Variants in ESRRB observed in about 807,000 individuals in gnomAD.
The protein encoded by ESRRB is steroid hormone receptor ERR2.
In ESRRB, 16 loss-of-function variants were observed where a neutral mutation model predicts 46.0. That is an observed-to-expected ratio of 0.35 (90% CI 0.24 to 0.53). The LOEUF (loss-of-function observed/expected upper bound fraction) is 0.53, where lower values mean the gene tolerates loss of function less well. Among genes scored for constraint, ESRRB ranks in the 20% least tolerant of loss-of-function variants. ESRRB has a pLI of 0.93. For synonymous variants in ESRRB, 246 were observed against 259.6 expected, an observed-to-expected ratio of 0.95 and a Z score of 0.50; for missense variants, 488 against 607.4, an observed-to-expected ratio of 0.80 and a Z score of 2.07.
chr14:76,373,057 G>T (rs979268125), upstream of ESRRB, among the ~76,000 whole-genome samples: 2 of 152,166 alleles, frequency 1.3e-5, no homozygotes, highest in African/African-American at 4.8e-5. Flanking sequence ...TGAATGTAAT[G>T]AATATCAATT....
intron 3 of ESRRB, among the ~76,000 whole-genome samples, chr14:76,469,944 C>CTTTTTTTTTTTTT (rs1178018542): frequency 3.0e-4 from 22 of 73,068 alleles, no homozygotes; most frequent in Non-Finnish European, 5.0e-4. Context: ...TTTTTTTTTT[C>CTTTTTTTTTTTTT]TTTTTTTTTT....
At chr14:76,380,315 G>C (rs1369145326) in intron 1 of ESRRB, among the ~76,000 whole-genome samples, 1 of 152,132 alleles carries the variant, frequency 6.6e-6, no homozygotes, top group African/African-American at 2.4e-5. Context: ...GGTGGAGTTG[G>C]CCATGAATGC....
intron 1 of ESRRB, among the ~76,000 whole-genome samples, chr14:76,356,332 GT>G (rs1884378221): frequency 6.6e-6 from 1 of 152,192 alleles, no homozygotes; most frequent in African/African-American, 2.4e-5. Context: ...TTGTCTAAGT[GT>G]TTTCTCCTAT....
intron 1 of ESRRB, among the ~76,000 whole-genome samples, chr14:76,429,638 T>G (rs913930077): frequency 5.9e-5 from 9 of 152,092 alleles, no homozygotes; most frequent in African/African-American, 2.2e-4. Context: ...TAATCCCAGC[T>G]ACTCAGGAGG....
intron 1 of ESRRB, among the ~76,000 whole-genome samples, chr14:76,340,928 T>C (rs1884184729): frequency 6.6e-6 from 1 of 152,194 alleles, no homozygotes; most frequent in South Asian, 2.1e-4. Flanking sequence ...TCATTGGTTC[T>C]CTCTGAGCCT....
In ESRRB at chr14:76,458,993, C is replaced by T. The variant is rs192606834; in HGVS notation, c.461-3552C>T. On this transcript the variant is annotated intron_variant, in intron 2 of 6. Coordinates refer to ENST00000644823, the MANE Select transcript of ESRRB (RefSeq NM_001379180.1). ...CCGACTAGCTGGGACTACAGGTGTG[C>T]ACCACCACACCTGGCTAAGTTTTGT... is the stretch of plus-strand genomic sequence containing the variant. Among the ~76,000 whole-genome samples the T allele has an allele frequency of 8.5e-5, 13 of 152,124 alleles. No homozygotes were observed. The East Asian group carries it at 2.1e-3, about 25-fold the overall frequency.
Position 76,500,653 on chromosome 14 carries a change from G to T in ESRRB, c.*2195G>T. The stretch of plus-strand genomic sequence containing the variant: ...CTCAAGCTGGAGGACCCAGGCGGCA[G>T]GGCATCATGCCCAGCTGGCATCTGC... On this transcript the variant is annotated 3_prime_UTR_variant, in exon 7 of 7. Coordinates refer to ENST00000644823, the MANE Select transcript of ESRRB (RefSeq NM_001379180.1). The T allele has an allele frequency of 2.5e-6, 4 of 1,612,460 alleles. No individual in the cohort carries two copies. The highest frequency in any genetic ancestry group is 3.4e-6 in the Non-Finnish European group (4 of 1,178,862).
chr14:76,342,366 A>C (rs1286364994), intron 1 of ESRRB, among the ~76,000 whole-genome samples: 1 of 152,208 alleles, frequency 6.6e-6, no homozygotes, highest in Non-Finnish European at 1.5e-5. Flanking sequence ...AGTGAGGGGC[A>C]ACAGGGAACT....
At chr14:76,375,109 G>A (rs1884717438), upstream of ESRRB, among the ~76,000 whole-genome samples, 1 of 152,060 alleles carries the variant, frequency 6.6e-6, no homozygotes, top group African/African-American at 2.4e-5. Flanking sequence ...ATAAGGTGGT[G>A]GTGTCTCCTG....
intron 2 of ESRRB, among the ~76,000 whole-genome samples, chr14:76,449,962 G>A (rs1214709707): frequency 6.6e-6 from 1 of 152,062 alleles, no homozygotes; most frequent in East Asian, 1.9e-4. Flanking sequence ...GTCTCTCTAT[G>A]TTGCCTACAC....
intron 1 of ESRRB, among the ~76,000 whole-genome samples, chr14:76,418,337 T>G (rs1886799015): frequency 6.6e-6 from 1 of 152,236 alleles, no homozygotes. Flanking sequence ...AGAGGACTCC[T>G]GTATAACCCT....
At chr14:76,422,488 G>A (rs538779185) in intron 1 of ESRRB, among the ~76,000 whole-genome samples, 6 of 152,208 alleles carry the variant, frequency 3.9e-5, no homozygotes, top group Non-Finnish European at 8.8e-5. Context: ...TGGGATTACA[G>A]GCATGAGCCA....
chr14:76,450,724 G>A (rs1463974934), intron 2 of ESRRB, among the ~76,000 whole-genome samples: 2 of 152,236 alleles, frequency 1.3e-5, no homozygotes, highest in African/African-American at 2.4e-5. Flanking sequence ...TGCAGCTGGC[G>A]GATCTGGATC....
chr14:76,393,060 C>T (rs10873288), intron 1 of ESRRB, among the ~76,000 whole-genome samples: 105,473 of 152,128 alleles, frequency 0.69, 36,977 homozygotes, highest in South Asian at 0.78. Context: ...CATAGCGGAT[C>T]TGGGGCATAG....
chr14:76,386,523 C>G (rs541304192), intron 1 of ESRRB, among the ~76,000 whole-genome samples: 2 of 143,422 alleles, frequency 1.4e-5, no homozygotes, highest in Non-Finnish European at 3.0e-5. Context: ...GTGACACGAT[C>G]TCGGCTCACT....
chr14:76,379,680 G>A (rs117467941), intron 1 of ESRRB, among the ~76,000 whole-genome samples: 1,662 of 152,244 alleles, frequency 0.011, 8 homozygotes, highest in Non-Finnish European at 0.015. Flanking sequence ...GATGAACTGG[G>A]AGGAGACATT....
intron 1 of ESRRB, among the ~76,000 whole-genome samples, chr14:76,354,236 ACC>A (rs1483075397): frequency 6.1e-4 from 9 of 14,784 alleles, no homozygotes; most frequent in African/African-American, 2.2e-3. Context: ...CCCCCCCCCC[ACC>A]CACACTTCCA....
chr14:76,345,636 A>G (rs150796571), intron 1 of ESRRB, among the ~76,000 whole-genome samples: 1 of 138,846 alleles, frequency 7.2e-6, no homozygotes, highest in African/African-American at 2.7e-5. Flanking sequence ...CAGTGTGGAG[A>G]TTCGTGAAAG....
intron 3 of ESRRB, among the ~76,000 whole-genome samples, chr14:76,465,219 G>A (rs369238538): frequency 9.2e-5 from 14 of 152,008 alleles, no homozygotes; most frequent in Non-Finnish European, 1.3e-4. Flanking sequence ...AGGGGAGCTG[G>A]GCCCAGAGGC....
Sources: allele counts gnomAD v4.1 joint callset (sites outside exome capture counted in the v4.1 genomes callset), GRCh38; gene constraint gnomAD v4.1.1; transcripts MANE v1.5; gene names NCBI Gene and HGNC (gene_info 2026-07-23, HGNC 2026-07-21).